Variants in NUBPL observed in about 807,000 individuals in gnomAD.
NUBPL encodes NUBP iron-sulfur cluster assembly factor, mitochondrial.
NUBPL carries 31 observed loss-of-function variants against 45.7 expected under a neutral mutation model. The ratio of observed to expected loss-of-function variants is 0.68; its 90% CI spans 0.51 to 0.92. The LOEUF (loss-of-function observed/expected upper bound fraction) is 0.92, where lower values mean the gene tolerates loss of function less well. Ranked by LOEUF, NUBPL falls within the 40% of genes least tolerant of loss-of-function variation. The pLI is 0.00. For missense variants in NUBPL, 401 were observed against 398.7 expected, an observed-to-expected ratio of 1.01 and a Z score of -0.05; for synonymous variants, 144 against 140.9, an observed-to-expected ratio of 1.02 and a Z score of -0.15.
chr14:31,610,981 T>C (rs1473756163), intron 4 of NUBPL, among the ~76,000 whole-genome samples: 1 of 152,114 alleles, frequency 6.6e-6, no homozygotes, highest in Non-Finnish European at 1.5e-5. Flanking sequence ...TCATAATGAA[T>C]GGAGAAAAAC....
At chr14:31,645,249 G>C (rs2139714822) in intron 4 of NUBPL, among the ~76,000 whole-genome samples, 1 of 152,022 alleles carries the variant, frequency 6.6e-6, no homozygotes, top group East Asian at 1.9e-4. Context: ...GTATTTTTTA[G>C]TAGAGGCGGG....
chr14:31,855,069 G>A (rs1228904600), intron 10 of NUBPL, among the ~76,000 whole-genome samples: 1 of 141,766 alleles, frequency 7.1e-6, no homozygotes, highest in African/African-American at 2.8e-5. Flanking sequence ...AGTATTTTTT[G>A]TATTCTGATA....
At chr14:31,612,283 A>T (rs548375743) in intron 4 of NUBPL, among the ~76,000 whole-genome samples, 1 of 152,386 alleles carries the variant, frequency 6.6e-6, no homozygotes, top group South Asian at 2.1e-4. Flanking sequence ...ATAGGAAAAC[A>T]ATCTAATAAT....
intron 7 of NUBPL, among the ~76,000 whole-genome samples, chr14:31,804,709 T>C (rs2039651938): frequency 6.6e-6 from 1 of 152,114 alleles, no homozygotes; most frequent in Non-Finnish European, 1.5e-5. Flanking sequence ...TTAATCAATG[T>C]TGCTGGGATA....
At chr14:31,747,988 G>T (rs1039750523) in intron 6 of NUBPL, among the ~76,000 whole-genome samples, 5 of 152,002 alleles carry the variant, frequency 3.3e-5, no homozygotes, top group African/African-American at 1.2e-4. Context: ...CACAGGTTTC[G>T]ATAGGTTGTA....
chr14:31,653,590 C>T (rs1335826359), intron 4 of NUBPL, among the ~76,000 whole-genome samples: 3 of 152,140 alleles, frequency 2.0e-5, no homozygotes, highest in Admixed American at 6.5e-5. Context: ...CCCTGAAAAT[C>T]GCTGTTATTC....
chr14:31,718,055 G>C (rs2037728402), intron 6 of NUBPL, among the ~76,000 whole-genome samples: 1 of 152,198 alleles, frequency 6.6e-6, no homozygotes, highest in Non-Finnish European at 1.5e-5. Context: ...TTGAGAGCTA[G>C]AAGATGCTTT....
In NUBPL at chr14:31,673,562, A is replaced by C; in HGVS notation, c.501A>C (p.Lys167Asn). The stretch of plus-strand genomic sequence containing the variant: ...TTATGGTAATGTCGGCCATTGAGAA[A>C]TTGTTGAGGCAGGTAAGAATATTGC... ...RGLMVMSAIEKLLRQVDWGQL... is the reference protein window; with the variant it reads ...RGLMVMSAIENLLRQVDWGQL... Residue 167 changes from lysine to asparagine, a missense_variant, in exon 6 of 11, where the codon AAA becomes AAC. Lys to Asn is a moderately conservative substitution (Grantham distance 94, BLOSUM62 0). Transcript: ENST00000281081. 4 of 1,613,570 alleles carry C rather than the reference A, an allele frequency of 2.5e-6. No individual in the cohort carries two copies. Among genetic ancestry groups the C allele is most frequent in the Non-Finnish European group, 3.4e-6 (4 of 1,179,566 alleles).
chr14:31,850,309 TA>T (rs2040518669), intron 10 of NUBPL, 108 bp downstream of exon 10: 1 of 821,496 alleles, frequency 1.2e-6, no homozygotes, highest in African/African-American at 1.7e-5. Flanking sequence ...CATATATATT[TA>T]AACAAGGATT....
chr14:31,659,365 A>G (rs1441832694), intron 4 of NUBPL, among the ~76,000 whole-genome samples: 1 of 152,186 alleles, frequency 6.6e-6, no homozygotes, highest in Non-Finnish European at 1.5e-5. Context: ...ATAATGTTGA[A>G]AAGATTCTCA....
intron 4 of NUBPL, among the ~76,000 whole-genome samples, chr14:31,617,914 T>G (rs1166640513): frequency 6.6e-6 from 1 of 152,220 alleles, no homozygotes; most frequent in Non-Finnish European, 1.5e-5. Context: ...TCTGGACTTT[T>G]TTTTGTTGGT....
chr14:31,751,434 A>C (rs981773813), intron 6 of NUBPL, among the ~76,000 whole-genome samples: 2 of 152,272 alleles, frequency 1.3e-5, no homozygotes, highest in Non-Finnish European at 2.9e-5. Flanking sequence ...AAATTGACCA[A>C]AACAATGGGG....
intron 6 of NUBPL, among the ~76,000 whole-genome samples, chr14:31,719,202 G>A (rs939062195): frequency 6.6e-6 from 1 of 152,100 alleles, no homozygotes; most frequent in Non-Finnish European, 1.5e-5. Context: ...GCCCTGCATC[G>A]CCAGAGAGTG....
intron 7 of NUBPL, among the ~76,000 whole-genome samples, chr14:31,812,145 C>T (rs1377598647): frequency 1.3e-5 from 2 of 152,196 alleles, no homozygotes; most frequent in Non-Finnish European, 2.9e-5. Flanking sequence ...GTTCAAACAC[C>T]ATGCTGGGAG....
intron 6 of NUBPL, among the ~76,000 whole-genome samples, chr14:31,786,254 TAC>T (rs1269529137): frequency 2.6e-5 from 4 of 152,228 alleles, no homozygotes; most frequent in Non-Finnish European, 5.9e-5. Flanking sequence ...TGAAATTATA[TAC>T]AGTTTCCACT....
chr14:31,657,003 T>C (rs1166570870), intron 4 of NUBPL, among the ~76,000 whole-genome samples: 2 of 152,236 alleles, frequency 1.3e-5, no homozygotes, highest in African/African-American at 4.8e-5. Context: ...GCCTTTAAAA[T>C]CAAATTCCTT....
chr14:31,694,633 A>C (rs997601276), intron 6 of NUBPL, among the ~76,000 whole-genome samples: 2 of 152,166 alleles, frequency 1.3e-5, no homozygotes, highest in Non-Finnish European at 2.9e-5. Flanking sequence ...CTCCTGCCTC[A>C]ACCTCCTGAG....
At chr14:31,751,784 C>T (rs2038536180) in intron 6 of NUBPL, among the ~76,000 whole-genome samples, 1 of 152,182 alleles carries the variant, frequency 6.6e-6, no homozygotes, top group Non-Finnish European at 1.5e-5. Flanking sequence ...CCATATTTTC[C>T]CTCTGCATTG....
At chr14:31,650,370 A>G (rs987574505) in intron 4 of NUBPL, among the ~76,000 whole-genome samples, 1 of 148,002 alleles carries the variant, frequency 6.8e-6, no homozygotes, top group Non-Finnish European at 1.5e-5. Flanking sequence ...GCTCACTGCA[A>G]GCTCCGCCTC....
Sources: allele counts gnomAD v4.1 joint callset (sites outside exome capture counted in the v4.1 genomes callset), GRCh38; gene constraint gnomAD v4.1.1; transcripts MANE v1.5; gene names NCBI Gene and HGNC (gene_info 2026-07-23, HGNC 2026-07-21).